The following NIM1K variants were observed in gnomAD, a reference collection of about 807,000 sequenced individuals.
NIM1K encodes NIM1 serine/threonine protein kinase.
NIM1K carries 35 observed loss-of-function variants against 37.1 expected under a neutral mutation model. That is an observed-to-expected ratio of 0.94 (90% CI 0.72 to 1.25). NIM1K has a LOEUF of 1.25. NIM1K is among the 50% of genes most tolerant of loss of function. The pLI is 0.00. For missense variants in NIM1K, 564 were observed against 548.0 expected (o/e 1.03, Z -0.29); for synonymous variants, 234 against 206.6 (o/e 1.13, Z -1.14).
intron 1 of NIM1K, among the ~76,000 whole-genome samples, chr5:43,230,498 C>T (rs1184479768): frequency 6.6e-6 from 1 of 152,156 alleles, no homozygotes; most frequent in African/African-American, 2.4e-5. Flanking sequence ...CTGGGAAATA[C>T]AGTCCTCAGT....
chr5:43,272,169 CA>C (rs1377920291), intron 2 of NIM1K, among the ~76,000 whole-genome samples: 1 of 152,152 alleles, frequency 6.6e-6, no homozygotes, highest in African/African-American at 2.4e-5. Context: ...GGAAGCCAAT[CA>C]AAAAAGCTTG....
intron 2 of NIM1K, among the ~76,000 whole-genome samples, chr5:43,260,982 T>A (rs1485415254): frequency 6.6e-6 from 1 of 152,246 alleles, no homozygotes; most frequent in Non-Finnish European, 1.5e-5. Flanking sequence ...GGTGTATATA[T>A]GCCACATTTT....
chr5:43,253,809 G>A (rs1383455699), intron 2 of NIM1K, among the ~76,000 whole-genome samples: 8 of 151,902 alleles, frequency 5.3e-5, no homozygotes, highest in East Asian at 3.9e-4. Flanking sequence ...ACAGGCACAC[G>A]CCACCATGCT....
intron 1 of NIM1K, among the ~76,000 whole-genome samples, chr5:43,243,954 G>C (rs1752740941): frequency 6.6e-6 from 1 of 152,172 alleles, no homozygotes; most frequent in Admixed American, 6.5e-5. Flanking sequence ...GATGTGCTTA[G>C]TTACTGATAC....
chr5:43,225,260 CAAAAAAAAAAAAAAAAA>C (rs10555794), intron 1 of NIM1K, among the ~76,000 whole-genome samples: 5 of 72,674 alleles, frequency 6.9e-5, no homozygotes, highest in Non-Finnish European at 1.2e-4. Context: ...ACCCTCTTTC[CAAAAAAAAAAAAAAAAA>C]AAAAAAAAAA....
At position 43,206,541 on chromosome 5, in the gene NIM1K, A is replaced by G. The variant is rs957470620; in HGVS notation, c.-695+14130A>G. ...AAAAAATAGGTTGGGGGAGAAAAAAAGAAAATCCAAGAAAGTAAATTAGGA... is the reference window on the plus strand; with the variant it reads ...AAAAAATAGGTTGGGGGAGAAAAAAGGAAAATCCAAGAAAGTAAATTAGGA... On this transcript the variant is annotated intron_variant, in intron 1 of 3. Transcript: ENST00000326035. Among the ~76,000 whole-genome samples, 28 of 151,742 alleles carry G rather than the reference A, an allele frequency of 1.8e-4. 1 individual carries two copies. The highest frequency in any genetic ancestry group is 6.8e-4 in the African/African-American group (28 of 41,378).
At chr5:43,266,803 A>G (rs1405745757) in intron 2 of NIM1K, among the ~76,000 whole-genome samples, 2 of 152,174 alleles carry the variant, frequency 1.3e-5, no homozygotes, top group African/African-American at 2.4e-5. Context: ...GACAAAGCCC[A>G]TTTGATCATG....
intron 2 of NIM1K, 88 bp from the exon 3 acceptor site, chr5:43,276,969 G>A (rs1579616244): frequency 7.5e-7 from 1 of 1,340,954 alleles, no homozygotes; most frequent in East Asian, 2.3e-5. Context: ...TCTCTGTCTA[G>A]TAAAGGAAAG....
At chr5:43,267,044 G>T (rs758163954) in intron 2 of NIM1K, among the ~76,000 whole-genome samples, 1 of 152,022 alleles carries the variant, frequency 6.6e-6, no homozygotes, top group African/African-American at 2.4e-5. Flanking sequence ...TTCTTTGACT[G>T]TCTGGTAGAA....
At chr5:43,232,901 G>T in intron 1 of NIM1K, 2 of 1,142,712 alleles carry the variant, frequency 1.8e-6, no homozygotes, top group Non-Finnish European at 2.7e-6. Context: ...GTGATGAGCT[G>T]CTCAGGGTGG....
chr5:43,218,385 A>G (rs925095712), intron 1 of NIM1K, among the ~76,000 whole-genome samples: 7 of 152,170 alleles, frequency 4.6e-5, no homozygotes, highest in Non-Finnish European at 1.0e-4. Context: ...GAGACTGGAT[A>G]ATTTATAAAC....
intron 1 of NIM1K, among the ~76,000 whole-genome samples, chr5:43,196,942 CTTTTTTTTTTT>C (rs774125135): frequency 1.2e-5 from 1 of 82,776 alleles, no homozygotes; most frequent in East Asian, 5.9e-4. Context: ...CCATGCCCAG[CTTTTTTTTTTT>C]TTTTTTTTTT....
At chr5:43,270,745 CAG>C (rs1554017067) in intron 2 of NIM1K, among the ~76,000 whole-genome samples, 1 of 152,118 alleles carries the variant, frequency 6.6e-6, no homozygotes, top group Non-Finnish European at 1.5e-5. Context: ...TGGATTTAAC[CAG>C]AGTCATGGTT....
intron 2 of NIM1K, among the ~76,000 whole-genome samples, chr5:43,255,754 A>AAAAGAAAGAAAGAAAGAAAGAAAG (rs1554016081): frequency 8.3e-5 from 11 of 131,808 alleles, no homozygotes; most frequent in East Asian, 4.3e-4. Flanking sequence ...TCTCAAAAAA[A>AAAAGAAAGAAAGAAAGAAAGAAAG]AAAGAAAGAA....
intron 1 of NIM1K, among the ~76,000 whole-genome samples, chr5:43,197,340 T>C (rs1049918700): frequency 7.3e-5 from 11 of 151,128 alleles, no homozygotes; most frequent in Middle Eastern, 3.4e-3. Flanking sequence ...GGGGCGGGCC[T>C]CTCTATGTTG....
At position 43,264,110 on chromosome 5, in the gene NIM1K, C is replaced by A. The variant is rs145289875; in HGVS notation, c.293-12947C>A. On this transcript the variant is annotated intron_variant, in intron 2 of 3. Coordinates refer to ENST00000326035, the MANE Select transcript of NIM1K (RefSeq NM_153361.4). ...AATGTATATTCTGTTGATTTGGGGTCGAGAGTTCTGTAGACGTCTGTTAGG... is the reference window on the plus strand; with the variant it reads ...AATGTATATTCTGTTGATTTGGGGTAGAGAGTTCTGTAGACGTCTGTTAGG... Among the ~76,000 whole-genome samples, 646 of 152,162 alleles carry A rather than the reference C, an allele frequency of 4.2e-3. 5 individuals are homozygous for A. Among genetic ancestry groups the A allele is most frequent in the African/African-American group, 0.015 (606 of 41,506 alleles).
chr5:43,258,926 C>T (rs1397535200), intron 2 of NIM1K, among the ~76,000 whole-genome samples: 1 of 151,832 alleles, frequency 6.6e-6, no homozygotes, highest in Non-Finnish European at 1.5e-5. Context: ...CACCCCCTCC[C>T]ACCCTACCCC....
chr5:43,206,746 G>A, intron 1 of NIM1K: 1 of 749,378 alleles, frequency 1.3e-6, no homozygotes, highest in South Asian at 1.4e-5. Context: ...TTCATGCTTG[G>A]CACCAAAGCT....
At chr5:43,217,854 G>A (rs1752324452) in intron 1 of NIM1K, among the ~76,000 whole-genome samples, 1 of 151,670 alleles carries the variant, frequency 6.6e-6, no homozygotes, top group Admixed American at 6.6e-5. Flanking sequence ...TGGGATTACA[G>A]GTGTGTGCCA....
Sources: allele counts gnomAD v4.1 joint callset (sites outside exome capture counted in the v4.1 genomes callset), GRCh38; gene constraint gnomAD v4.1.1; transcripts MANE v1.5; gene names NCBI Gene and HGNC (gene_info 2026-07-23, HGNC 2026-07-21).